CWC25: variants seen among roughly 807,000 people sequenced by gnomAD.
CWC25 encodes the protein CWC25 spliceosome associated protein, also known as pre-mRNA-splicing factor CWC25 homolog.
Under a neutral mutation model 54.6 loss-of-function variants are expected in CWC25, and 31 were observed. That is an observed-to-expected ratio of 0.57 (90% confidence interval 0.43 to 0.77). CWC25 has a LOEUF of 0.77. Ranked by LOEUF, CWC25 falls within the 30% of genes least tolerant of loss-of-function variation. The pLI, the probability that CWC25 is intolerant of heterozygous loss-of-function variation, is 0.00. For synonymous variants in CWC25, 151 were observed against 187.0 expected, an observed-to-expected ratio of 0.81 and a Z score of 1.57; for missense variants, 453 against 529.3, an observed-to-expected ratio of 0.86 and a Z score of 1.41.
chr17:38,806,700 A>G, intron 7 of CWC25, 65 bp downstream of exon 7: 1 of 1,415,348 alleles, frequency 7.1e-7, no homozygotes, highest in Non-Finnish European at 9.5e-7. Context: ...AAAAGCAAAA[A>G]CAAATGCCTG....
In CWC25 at chr17:38,801,966, G is replaced by T; in HGVS notation, c.*126C>A. 1 of 595,738 alleles carries T rather than the reference G, an allele frequency of 1.7e-6. No homozygotes were observed. The highest frequency in any genetic ancestry group is 3.0e-6 in the Non-Finnish European group (1 of 335,304). The allele number at this position is 595,738 out of a possible 1,614,324, so 36.9% of individuals were successfully genotyped here. On this transcript the variant is annotated 3_prime_UTR_variant, in exon 10 of 10. Coordinates refer to ENST00000614790, the MANE Select transcript of CWC25 (RefSeq NM_017748.5). ...AGCTGTTTCAGGACTCAATGAAGCA[G>T]GGTCACTTTGAACACTGGTGGTTTG... is the stretch of plus-strand genomic sequence containing the variant.
At position 38,801,890 on chromosome 17, in the gene CWC25, A is replaced by G; in HGVS notation, c.*202T>C. On this transcript the variant is annotated 3_prime_UTR_variant, in exon 10 of 10. Transcript: ENST00000614790. Reference sequence around the variant, plus strand: ...CCACCCGTTAAAGAGTCAAAACCCAAAGTTACTGAGTGTCCCACAAAGCAA... The same window carrying G: ...CCACCCGTTAAAGAGTCAAAACCCAGAGTTACTGAGTGTCCCACAAAGCAA... The G allele has an allele frequency of 2.2e-6, 1 of 453,632 alleles. No individual in the cohort carries two copies. The highest frequency in any genetic ancestry group is 3.9e-5 in the Admixed American group (1 of 25,448). The allele number at this position is 453,632 out of a possible 1,614,324, so 28.1% of individuals were successfully genotyped here.
chr17:38,817,826 C>T (rs1911762980), intron 2 of CWC25, among the ~76,000 whole-genome samples: 1 of 151,796 alleles, frequency 6.6e-6, no homozygotes, highest in Non-Finnish European at 1.5e-5. Context: ...ATTAGCCAGG[C>T]GTGGTGGCAC....
intron 7 of CWC25, 93 bp from the exon 8 acceptor site, chr17:38,806,488 CT>C: frequency 9.1e-7 from 1 of 1,100,210 alleles, no homozygotes. Context: ...AGCTAATGGT[CT>C]TAGAGGTATA....
rs1268015876 is a variant in CWC25 at position 38,800,503 on chromosome 17, C to A, written c.*1589G>T. 1 of 152,118 alleles carries A rather than the reference C, an allele frequency of 6.6e-6. No individual in the cohort carries two copies. Among genetic ancestry groups the A allele is most frequent in the Non-Finnish European group, 1.5e-5 (1 of 68,038 alleles). 9.4% of individuals were successfully genotyped at this position (152,118 alleles called of 1,614,324 possible). A position where few individuals can be genotyped will look rare whatever the true frequency, so the allele number is the denominator to read the frequency against. On this transcript the variant is annotated 3_prime_UTR_variant, in exon 10 of 10. Transcript: ENST00000614790. ...CAATTATAAAATAAACATAATTAAC[C>A]CCGGCATAATGAAGTGATTAAATGA...
At chr17:38,813,298 C>T (rs1006129339) in intron 3 of CWC25, among the ~76,000 whole-genome samples, 2 of 141,788 alleles carry the variant, frequency 1.4e-5, no homozygotes. Flanking sequence ...CTCGTCTCTA[C>T]CAAAAAAAAC....
rs79575822 is a variant in CWC25, at chr17:38,801,706, G to C, written c.*386C>G. 1.2e-5 allele frequency: 2 copies of C among 163,780 alleles called. No individual in the cohort carries two copies. The highest frequency in any genetic ancestry group is 2.6e-5 in the Non-Finnish European group (2 of 76,398). The allele number at this position is 163,780 out of a possible 1,614,324, so 10.1% of individuals were successfully genotyped here. ...TTGTCTCAGTAAGCACAATCTATCT[G>C]GGTGACACCAGAGAGGTTTCTGAAG... On this transcript the variant is annotated 3_prime_UTR_variant, in exon 10 of 10. Coordinates refer to ENST00000614790, the MANE Select transcript of CWC25 (RefSeq NM_017748.5).
rs757083983 is a variant in CWC25, at chr17:38,802,165, T to C, written c.1205A>G (p.Asp402Gly). 6.2e-7 allele frequency: 1 copy of C among 1,613,820 alleles called. No individual in the cohort carries two copies. Among genetic ancestry groups the C allele is most frequent in the Non-Finnish European group, 8.5e-7 (1 of 1,179,852 alleles). Residue 402 changes from aspartate (D) to glycine (G), a missense_variant, in exon 10 of 10, where the codon GAT (aspartate) becomes GGT (glycine). Around this residue, in one of 2 missense-constraint regions of CWC25, gnomAD observed 444 missense variants for 499.2 expected, o/e 0.89. Transcript: ENST00000614790. ...LESASTSSLE[D>G]RVKRNIYSLQ... ...AGAGTAGATATTCCGCTTCACCCGA[T>C]CCTCCAGGGAGGAAGTAGATGCACT...
intron 2 of CWC25, among the ~76,000 whole-genome samples, chr17:38,820,091 C>T (rs1050407067): frequency 6.6e-6 from 1 of 152,146 alleles, no homozygotes; most frequent in Non-Finnish European, 1.5e-5. Context: ...GCATAAGCCG[C>T]CACACTCAGC....
chr17:38,809,165 C>G (rs1911378344), intron 6 of CWC25, among the ~76,000 whole-genome samples: 6 of 151,484 alleles, frequency 4.0e-5, no homozygotes, highest in Admixed American at 4.0e-4. Context: ...CGGTGGCTCA[C>G]ACCTGTAATC....
chr17:38,821,762 C>T (rs1911933909), intron 1 of CWC25, among the ~76,000 whole-genome samples: 1 of 150,778 alleles, frequency 6.6e-6, no homozygotes, highest in African/African-American at 2.5e-5. Context: ...TCATGCACTT[C>T]TGACAGTGGA....
intron 2 of CWC25, among the ~76,000 whole-genome samples, chr17:38,820,125 G>T (rs1911863622): frequency 6.6e-6 from 1 of 152,008 alleles, no homozygotes; most frequent in Admixed American, 6.6e-5. Context: ...AACAGAGATG[G>T]AGCCTCACTA....
At position 38,802,011 on chromosome 17, in the gene CWC25, T is replaced by C; in HGVS notation, c.*81A>G. On this transcript the variant is annotated 3_prime_UTR_variant, in exon 10 of 10. Transcript: ENST00000614790. ...GGTTTGACATCTGTGAAAGAAGTCATTTGAACTCTTATAAAGAGAATTAAG... is the reference window on the plus strand; with the variant it reads ...GGTTTGACATCTGTGAAAGAAGTCACTTGAACTCTTATAAAGAGAATTAAG... 2 of 824,920 alleles carry C rather than the reference T, an allele frequency of 2.4e-6. No individual in the cohort carries two copies. Among genetic ancestry groups the C allele is most frequent in the Non-Finnish European group, 3.9e-6 (2 of 515,052 alleles). 51.1% of individuals were successfully genotyped at this position (824,920 alleles called of 1,614,324 possible).
chr17:38,809,611 C>T, intron 6 of CWC25, 91 bp downstream of exon 6: 1 of 1,234,642 alleles, frequency 8.1e-7, no homozygotes. Context: ...GCAGCCCAGG[C>T]TTCACTGCCC....
Position 38,806,823 on chromosome 17 carries a change from G to C in CWC25, c.844C>G (p.Arg282Gly), listed in dbSNP as rs751627408. 6.2e-7 allele frequency: 1 copy of C among 1,612,866 alleles called. No individual in the cohort carries two copies. Among genetic ancestry groups the C allele is most frequent in the South Asian group, 1.1e-5 (1 of 90,984 alleles). ...SKKSTREAGSRDRRSRSLGRR... is the reference protein window; with the variant it reads ...SKKSTREAGSGDRRSRSLGRR... ...CCCAGGGATCGAGACCTCCTGTCCCGGGACCCTGCTTCCCTGGTGCTCTTC... is the reference window on the plus strand; with the variant it reads ...CCCAGGGATCGAGACCTCCTGTCCCCGGACCCTGCTTCCCTGGTGCTCTTC... The change falls in exon 7 of 10, where the codon CGG (arginine) becomes GGG (glycine). Residue 282 changes from arginine (R) to glycine (G), a missense_variant. This residue lies in a region of CWC25 where 444 missense variants were observed against 499.2 expected (regional missense o/e 0.89). Transcript: ENST00000614790.
Position 38,825,210 on chromosome 17 carries a change from CG to C in CWC25, c.-28del. On this transcript the variant is annotated 5_prime_UTR_variant, in exon 1 of 10. Coordinates refer to ENST00000614790, the MANE Select transcript of CWC25 (RefSeq NM_017748.5). Reference sequence around the variant, plus strand: ...ACGGTGGAGACGATTCCTCACTACGCGGATCTGGAAGATTTCGGGAGGATCA... The same window carrying C: ...ACGGTGGAGACGATTCCTCACTACGCGATCTGGAAGATTTCGGGAGGATCA... The C allele has an allele frequency of 6.3e-7, 1 of 1,587,534 alleles. No individual in the cohort carries two copies. The highest frequency in any genetic ancestry group is 1.1e-5 in the South Asian group (1 of 87,124).
At chr17:38,821,111 G>A (rs1403747974) in intron 1 of CWC25, 38 bp from the exon 2 acceptor site, 1 of 1,591,292 alleles carries the variant, frequency 6.3e-7, no homozygotes, top group African/African-American at 1.3e-5. Flanking sequence ...TAATTCGGGG[G>A]GTGACTGAGT....
rs555763437 is a variant in CWC25 at position 38,808,982 on chromosome 17, C to A, written c.690+720G>T. The stretch of plus-strand genomic sequence containing the variant: ...AAAAAAAATACAGAAATACAGAAGT[C>A]AAGCCAGGTGCCTTGAACTTGTACT... On this transcript the variant is annotated intron_variant, in intron 6 of 9. Transcript: ENST00000614790. 2.7e-5 allele frequency among the ~76,000 whole-genome samples: 4 copies of A among 148,590 alleles called. No individual in the cohort carries two copies. The South Asian group carries it at 8.5e-4, about 32-fold the overall frequency.
chr17:38,806,477 G>A (rs1046269289), intron 7 of CWC25, 82 bp from the exon 8 acceptor site: 1 of 1,173,498 alleles, frequency 8.5e-7, no homozygotes, highest in Non-Finnish European at 1.2e-6. Flanking sequence ...AATGCAAGAT[G>A]AGCTAATGGT....
Sources: allele counts gnomAD v4.1 joint callset (sites outside exome capture counted in the v4.1 genomes callset), GRCh38; gene constraint gnomAD v4.1.1; regional missense constraint gnomAD v4.1.1; transcripts MANE v1.5; gene names NCBI Gene and HGNC (gene_info 2026-07-23, HGNC 2026-07-21).